The following WDR49 variants were observed in gnomAD, a reference collection of about 807,000 sequenced individuals.
The protein encoded by WDR49 is WD repeat domain 49, also known as cilia- and flagella-associated protein 337.
In WDR49, 107 loss-of-function variants were observed where a neutral mutation model predicts 119.5. The observed-to-expected ratio is 0.90, with a 90% CI of 0.77 to 1.05. WDR49 has a LOEUF of 1.05. Ranked by LOEUF, WDR49 falls within the 50% of genes least tolerant of loss-of-function variation. WDR49 has a pLI of 0.00. For missense variants in WDR49, 1,240 were observed against 1,220.5 expected (o/e 1.02, Z -0.24); for synonymous variants, 425 against 418.8 (o/e 1.01, Z -0.18).
chr3:167,525,814 A>G (rs1752608543), intron 15 of WDR49, among the ~76,000 whole-genome samples: 1 of 151,946 alleles, frequency 6.6e-6, no homozygotes. Context: ...CTATGTTATA[A>G]AAGTGATTCT....
At chr3:167,647,968 C>T (rs1165164703) in intron 2 of WDR49, among the ~76,000 whole-genome samples, 1 of 152,162 alleles carries the variant, frequency 6.6e-6, no homozygotes, top group East Asian at 1.9e-4. Flanking sequence ...ATTAACTTAA[C>T]ATGCATTTTG....
At position 167,536,937 on chromosome 3, in the gene WDR49, T is replaced by C; in HGVS notation, c.1887A>G (p.Lys629=). ...TGTCATCATGGTGCTGTATACCTCC[T>C]TTCCATTCTTCAGGCTGGATGAAAA... ...NQFFIQPEEW[K]GGIQHHDDIL... is the part of the protein sequence containing the mutation. Residue 629 remains lysine, a synonymous_variant, in exon 11 of 19, where the codon AAA becomes AAG. Coordinates refer to ENST00000682715, the MANE Select transcript of WDR49 (RefSeq NM_001366157.1). 1 of 1,590,620 alleles carries C rather than the reference T, an allele frequency of 6.3e-7. No homozygotes were observed. Among genetic ancestry groups the C allele is most frequent in the Non-Finnish European group, 8.6e-7 (1 of 1,169,064 alleles).
intron 5 of WDR49, among the ~76,000 whole-genome samples, chr3:167,617,441 C>T (rs1177293823): frequency 6.6e-6 from 1 of 152,176 alleles, no homozygotes; most frequent in Non-Finnish European, 1.5e-5. Flanking sequence ...GCACAAGAAT[C>T]GCTGAACCTG....
chr3:167,559,043 T>A (rs1430653510), intron 9 of WDR49, among the ~76,000 whole-genome samples: 1 of 152,196 alleles, frequency 6.6e-6, no homozygotes, highest in East Asian at 1.9e-4. Flanking sequence ...AGTCCATACC[T>A]TATTCCATTA....
chr3:167,498,206 T>C (rs943698328), intron 18 of WDR49, among the ~76,000 whole-genome samples: 9 of 152,204 alleles, frequency 5.9e-5, no homozygotes, highest in Admixed American at 4.6e-4. Flanking sequence ...GAAATCCTTA[T>C]CAGACACACT....
intron 8 of WDR49, chr3:167,567,002 C>T: frequency 2.1e-6 from 1 of 487,102 alleles, no homozygotes; most frequent in Non-Finnish European, 3.6e-6. Flanking sequence ...GGTGGGCACA[C>T]TTGGTGTAAC....
chr3:167,522,505 T>C (rs1273542688), intron 15 of WDR49, 21 bp from the exon 16 acceptor site: 34 of 1,578,498 alleles, frequency 2.2e-5, no homozygotes, highest in Non-Finnish European at 2.9e-5. Context: ...CGAAAACATC[T>C]GTTTTATTTT....
chr3:167,637,529 G>T (rs1717678919), intron 2 of WDR49, among the ~76,000 whole-genome samples: 1 of 151,748 alleles, frequency 6.6e-6, no homozygotes. Flanking sequence ...GTTTTGTGAA[G>T]AATAGTGGTG....
chr3:167,579,462 G>A (rs1714426421), intron 7 of WDR49, among the ~76,000 whole-genome samples: 1 of 152,022 alleles, frequency 6.6e-6, no homozygotes, highest in Admixed American at 6.6e-5. Flanking sequence ...AAATAATTAT[G>A]CTTCTAGCAT....
chr3:167,562,731 G>C (rs1287003065), intron 8 of WDR49, among the ~76,000 whole-genome samples: 2 of 152,160 alleles, frequency 1.3e-5, no homozygotes, highest in Non-Finnish European at 2.9e-5. Context: ...TTGAATGTCA[G>C]CTGCCTCACT....
At chr3:167,649,600 T>C (rs1382862365) in intron 2 of WDR49, among the ~76,000 whole-genome samples, 1 of 152,202 alleles carries the variant, frequency 6.6e-6, no homozygotes, top group Non-Finnish European at 1.5e-5. Context: ...CTCCAGTCTT[T>C]TGAGATTCAG....
chr3:167,615,646 TATTA>T (rs987946310), intron 5 of WDR49, among the ~76,000 whole-genome samples: 1 of 152,036 alleles, frequency 6.6e-6, no homozygotes, highest in Non-Finnish European at 1.5e-5. Context: ...TAATAGGAAT[TATTA>T]ATTAGAGACA....
chr3:167,575,825 T>A (rs1714218230), intron 8 of WDR49, 93 bp downstream of exon 8: 2 of 1,313,874 alleles, frequency 1.5e-6, no homozygotes. Context: ...TTTACTATAT[T>A]TGTCTTTCAT....
At chr3:167,538,433 C>T (rs926626549) in intron 10 of WDR49, among the ~76,000 whole-genome samples, 1 of 152,018 alleles carries the variant, frequency 6.6e-6, no homozygotes, top group African/African-American at 2.4e-5. Flanking sequence ...TCGTTTCTTA[C>T]TATTTTACTT....
chr3:167,563,115 G>A (rs1361656207), intron 8 of WDR49, among the ~76,000 whole-genome samples: 1 of 152,010 alleles, frequency 6.6e-6, no homozygotes, highest in Non-Finnish European at 1.5e-5. Flanking sequence ...GCCTGTAATT[G>A]CAGCACTTTG....
intron 2 of WDR49, among the ~76,000 whole-genome samples, chr3:167,638,993 C>A (rs1334999746): frequency 6.6e-6 from 1 of 151,566 alleles, no homozygotes; most frequent in Non-Finnish European, 1.5e-5. Flanking sequence ...GATCATCACC[C>A]CTGAGAAATA....
chr3:167,492,979 G>A (rs374651651), intron 18 of WDR49, among the ~76,000 whole-genome samples: 2 of 152,238 alleles, frequency 1.3e-5, no homozygotes, highest in East Asian at 3.9e-4. Flanking sequence ...TATTGCCCAA[G>A]CTTTTTGATG....
chr3:167,550,992 C>T (rs1317199104), intron 10 of WDR49, among the ~76,000 whole-genome samples: 1 of 151,776 alleles, frequency 6.6e-6, no homozygotes, highest in African/African-American at 2.4e-5. Flanking sequence ...TGTGAATTGA[C>T]TCTATGCCAA....
chr3:167,645,113 T>C (rs1718055402), intron 2 of WDR49, among the ~76,000 whole-genome samples: 1 of 152,038 alleles, frequency 6.6e-6, no homozygotes, highest in Admixed American at 6.6e-5. Context: ...GTATAATGAC[T>C]GAGAATGGAC....
Sources: allele counts gnomAD v4.1 joint callset (sites outside exome capture counted in the v4.1 genomes callset), GRCh38; gene constraint gnomAD v4.1.1; transcripts MANE v1.5; gene names NCBI Gene and HGNC (gene_info 2026-07-23, HGNC 2026-07-21).